The following DSP variants were observed in gnomAD, a reference collection of about 807,000 sequenced individuals.
DSP encodes the protein desmoplakin, also known as 250/210 kDa paraneoplastic pemphigus antigen.
DSP carries 114 observed loss-of-function variants against 290.6 expected under a neutral mutation model. The observed-to-expected ratio is 0.39, with a 90% confidence interval of 0.34 to 0.46. The LOEUF (loss-of-function observed/expected upper bound fraction) is 0.46, where lower values mean the gene tolerates loss of function less well. Among genes scored for constraint, DSP ranks in the 20% least tolerant of loss-of-function variants. DSP has a pLI of 0.99. For missense variants in DSP, 3,230 were observed against 3,495.8 expected (o/e 0.92, Z 1.92); for synonymous variants, 1,311 against 1,316.4 (o/e 1.00, Z 0.09).
Position 7,571,562 on chromosome 6 carries a change from T to C in DSP, c.1881T>C (p.Pro627=). 1 of 1,614,212 alleles carries C rather than the reference T, an allele frequency of 6.2e-7. No homozygotes were observed. Residue 627 remains proline, a synonymous_variant, in exon 14 of 24, where the codon CCT becomes CCC. Coordinates refer to ENST00000379802, the MANE Select transcript of DSP (RefSeq NM_004415.4). ...KHYQTLVIQL[P]GYPQHQTVTT... ...ACCAGACCCTGGTCATTCAGCTCCC[T>C]GGCTATCCCCAGCACCAGACAGGTC...
chr6:7,542,732 G>C (rs1222214674), intron 1 of DSP, among the ~76,000 whole-genome samples: 1 of 152,236 alleles, frequency 6.6e-6, no homozygotes, highest in Non-Finnish European at 1.5e-5. Flanking sequence ...GCGGCTGCCG[G>C]GCCCGGGTCT....
intron 11 of DSP, 26 bp downstream of exon 11, chr6:7,568,615 A>G: frequency 6.2e-7 from 1 of 1,612,700 alleles, no homozygotes; most frequent in South Asian, 1.1e-5. Context: ...GAATGATACA[A>G]AAGTTTTCCC....
rs1236858821 is a variant in DSP, at chr6:7,542,048, C to T, written c.133C>T (p.Arg45Cys). 5 of 1,573,012 alleles carry T rather than the reference C, an allele frequency of 3.2e-6. No individual in the cohort carries two copies. Among genetic ancestry groups the T allele is most frequent in the Non-Finnish European group, 4.3e-6 (5 of 1,159,768 alleles). The change falls in exon 1 of 24, where the codon CGC becomes TGC. Residue 45 changes from arginine to cysteine, a missense_variant. This residue lies in a region of DSP where 646 missense variants were observed against 684.3 expected (regional missense o/e 0.94). Transcript: ENST00000379802. ...GGTSRMYYSR[R>C]GVITDQNSDG... ...CACCAGCAGGATGTACTATTCTCGG[C>T]GCGGCGTGATCACCGACCAGAACTC...
At chr6:7,544,634 T>C (rs1467021049) in intron 1 of DSP, among the ~76,000 whole-genome samples, 5 of 152,138 alleles carry the variant, frequency 3.3e-5, no homozygotes, top group Non-Finnish European at 7.4e-5. Flanking sequence ...AGCCCTTCCC[T>C]GAATAAAGAA....
chr6:7,563,518 C>T (rs1758765432), intron 5 of DSP, among the ~76,000 whole-genome samples: 1 of 152,090 alleles, frequency 6.6e-6, no homozygotes, highest in Non-Finnish European at 1.5e-5. Flanking sequence ...TCTGGGCTTT[C>T]CTTTGTGGAG....
In DSP at chr6:7,579,343, C is replaced by A. The variant is rs563387839; in HGVS notation, c.3153C>A (p.Asn1051Lys). The change falls in exon 23 of 24, where the codon AAC becomes AAA. Residue 1051 changes from asparagine (N) to lysine (K), a missense_variant. This residue lies in a region of DSP where 1,714 missense variants were observed against 1,844.5 expected (regional missense o/e 0.93). Coordinates refer to ENST00000379802, the MANE Select transcript of DSP (RefSeq NM_004415.4). This position sits in a 1 kb window ranked among gnomAD's most constrained non-coding sequence, Gnocchi z 4.1. ...LRLARDANSE[N>K]CNKNKFLDQN... ...TGGCCCGAGATGCCAACTCGGAAAA[C>A]TGTAATAAGAACAAATTCCTGGATC... The A allele has an allele frequency of 6.8e-6, 11 of 1,614,022 alleles. No homozygotes were observed. Among genetic ancestry groups the A allele is most frequent in the African/African-American group, 1.3e-5 (1 of 74,914 alleles).
chr6:7,553,874 T>C (rs1431482445), intron 1 of DSP, among the ~76,000 whole-genome samples: 1 of 152,138 alleles, frequency 6.6e-6, no homozygotes, highest in African/African-American at 2.4e-5. Flanking sequence ...CTCACCCACA[T>C]TCATCTAGTC....
rs534740669 is a variant in DSP, at chr6:7,567,455, T to A, written c.1140+6T>A. ...AAAATGCTGCCTACTTTCAGGTTTT[T>A]ATATTTAGTGATAATTTTGTTGTTA... On this transcript the variant is annotated splice_donor_region_variant and intron_variant, in intron 9 of 23. Transcript: ENST00000379802. 6.2e-7 allele frequency: 1 copy of A among 1,610,936 alleles called. No homozygotes were observed. Among genetic ancestry groups the A allele is most frequent in the South Asian group, 1.1e-5 (1 of 91,036 alleles).
intron 16 of DSP, 139 bp downstream of exon 16, chr6:7,574,391 T>A (rs1439228743): frequency 1.0e-6 from 1 of 969,930 alleles, no homozygotes; most frequent in Non-Finnish European, 1.6e-6. Context: ...TTGGAGAGCA[T>A]GTTAATTCCG....
At chr6:7,547,084 C>A (rs145446961) in intron 1 of DSP, among the ~76,000 whole-genome samples, 34 of 152,214 alleles carry the variant, frequency 2.2e-4, no homozygotes, top group African/African-American at 7.9e-4. Context: ...TGGTTTCAGT[C>A]TGGAGGCCTT....
chr6:7,560,041 A>T (rs1017984445), intron 4 of DSP, among the ~76,000 whole-genome samples: 1 of 152,188 alleles, frequency 6.6e-6, no homozygotes, highest in African/African-American at 2.4e-5. Flanking sequence ...AAGACTAATG[A>T]TTGTTGTGTT....
intron 11 of DSP, among the ~76,000 whole-genome samples, chr6:7,568,937 C>G (rs898853057): frequency 3.9e-5 from 6 of 152,124 alleles, no homozygotes; most frequent in African/African-American, 1.4e-4. Context: ...ATGTCTCTCA[C>G]TATGGGTGAC....
chr6:7,581,648 T>C, intron 23 of DSP, 79 bp downstream of exon 23: 1 of 1,580,460 alleles, frequency 6.3e-7, no homozygotes, highest in South Asian at 1.1e-5. Flanking sequence ...AACTGTGCTC[T>C]TTCTGCTTAA....
At position 7,567,912 on chromosome 6, in the gene DSP, G is replaced by T. The variant is rs73375345; in HGVS notation, c.1266+6G>T. 597 of 1,613,270 alleles carry T rather than the reference G, an allele frequency of 3.7e-4. 3 individuals are homozygous for T. The African/African-American group carries it at 6.3e-3, about 17-fold the overall frequency. On this transcript the variant is annotated splice_donor_region_variant and intron_variant, in intron 10 of 23. Coordinates refer to ENST00000379802, the MANE Select transcript of DSP (RefSeq NM_004415.4). Reference sequence around the variant, plus strand: ...AACAGATCAAGGAGCTGGAGGTATCGTCTCAGACCCAGAACCTCAGCAGCT... The same window carrying T: ...AACAGATCAAGGAGCTGGAGGTATCTTCTCAGACCCAGAACCTCAGCAGCT...
Position 7,583,511 on chromosome 6 carries a change from T to C in DSP, c.6249T>C (p.Arg2083=). Residue 2083 remains arginine (R), a synonymous_variant, in exon 24 of 24, where the codon CGT becomes CGC. Coordinates refer to ENST00000379802, the MANE Select transcript of DSP (RefSeq NM_004415.4). The surrounding 1 kb of genome is among the most constrained non-coding windows in gnomAD (Gnocchi z 4.0). ...GGGACCTCATTGACTTCGATGACCG[T>C]CAGCAGATATATGCAGCAGAAAAAG... ...IARDLIDFDD[R]QQIYAAEKAI... is the part of the protein sequence containing the mutation. 1 of 1,614,162 alleles carries C rather than the reference T, an allele frequency of 6.2e-7. No individual in the cohort carries two copies. The highest frequency in any genetic ancestry group is 8.5e-7 in the Non-Finnish European group (1 of 1,180,028).
At position 7,586,678 on chromosome 6, in the gene DSP, T is replaced by TA. The variant is rs1463571008; in HGVS notation, c.*801dup. 3.3e-5 allele frequency: 5 copies of TA among 152,234 alleles called. No homozygotes were observed. 9.4% of individuals were successfully genotyped at this position (152,234 alleles called of 1,614,324 possible). A position where few individuals can be genotyped will look rare whatever the true frequency, so the allele number is the denominator to read the frequency against. The stretch of plus-strand genomic sequence containing the variant: ...TGTTTACTAAATACCTGTGAAGAAA[T>TA]ACCATTAAAAAACTATTTGGTTCTG... On this transcript the variant is annotated 3_prime_UTR_variant, in exon 24 of 24. Transcript: ENST00000379802.
In DSP at chr6:7,567,444, T is replaced by C. The variant is rs757853478; in HGVS notation, c.1135T>C (p.Phe379Leu). The change falls in exon 9 of 24, where the codon TTT becomes CTT. Residue 379 changes from phenylalanine to leucine, a missense_variant. By Grantham distance (22) the Phe-to-Leu change is conservative. This residue lies in a region of DSP where 646 missense variants were observed against 684.3 expected (regional missense o/e 0.94). Coordinates refer to ENST00000379802, the MANE Select transcript of DSP (RefSeq NM_004415.4). ...TCATCTGAAAGAAAATGCTGCCTAC[T>C]TTCAGGTTTTTATATTTAGTGATAA... ...DVHLKENAAYFQFFEEAQSTE... is the reference protein window; with the variant it reads ...DVHLKENAAYLQFFEEAQSTE... 6.2e-7 allele frequency: 1 copy of C among 1,613,456 alleles called. No homozygotes were observed. Among genetic ancestry groups the C allele is most frequent in the South Asian group, 1.1e-5 (1 of 91,082 alleles).
In DSP at chr6:7,571,976, G is replaced by A. The variant is rs1186943530; in HGVS notation, c.2038G>A (p.Glu680Lys). Residue 680 changes from glutamate to lysine, a missense_variant, in exon 15 of 24, where the codon GAG becomes AAG. Glu to Lys is a moderately conservative substitution (Grantham distance 56). Around this residue, in one of 5 missense-constraint regions of DSP, gnomAD observed 1,714 missense variants for 1,844.5 expected, o/e 0.93. Coordinates refer to ENST00000379802, the MANE Select transcript of DSP (RefSeq NM_004415.4). Reference protein sequence around the residue: ...MELQKIRRQIEHCEGRMTLKN... With the variant: ...MELQKIRRQIKHCEGRMTLKN... ...GCTGCAGAAGATTCGCAGGCAGATAGAGCACTGCGAGGGCAGGATGACTCT... is the reference window on the plus strand; with the variant it reads ...GCTGCAGAAGATTCGCAGGCAGATAAAGCACTGCGAGGGCAGGATGACTCT... 9.9e-6 allele frequency: 16 copies of A among 1,614,066 alleles called. No individual in the cohort carries two copies. Among genetic ancestry groups the A allele is most frequent in the Non-Finnish European group, 1.4e-5 (16 of 1,180,048 alleles).
chr6:7,549,285 G>A (rs773159419), intron 1 of DSP, among the ~76,000 whole-genome samples: 22 of 152,106 alleles, frequency 1.4e-4, no homozygotes, highest in Non-Finnish European at 2.5e-4. Context: ...GAGTAGCTGG[G>A]ATTACAGGCA....
Sources: gnomAD v4.1 joint callset for allele counts (sites outside exome capture counted in the v4.1 genomes callset) on GRCh38, gnomAD v4.1.1 for gene constraint, gnomAD v4.1.1 regional missense constraint, Gnocchi (gnomAD v3.1) non-coding constraint, MANE v1.5 for transcripts, NCBI Gene and HGNC (gene_info 2026-07-23, HGNC 2026-07-21) for gene names.